RALYL: variants seen among roughly 807,000 people sequenced by gnomAD.
The protein encoded by RALYL is RNA-binding Raly-like protein.
RALYL carries 29 observed loss-of-function variants against 35.1 expected under a neutral mutation model. The observed-to-expected ratio is 0.83, with a 90% CI of 0.61 to 1.13. The LOEUF is 1.13. RALYL is among the 50% of genes most tolerant of loss of function. The probability of loss-of-function intolerance (pLI) is 0.00; values close to 1 mark genes in which losing one functional copy is unlikely to be tolerated. For missense variants in RALYL, 359 were observed against 360.4 expected, an observed-to-expected ratio of 1.00 and a Z score of 0.03; for synonymous variants, 120 against 127.6, an observed-to-expected ratio of 0.94 and a Z score of 0.40.
At chr8:84,706,773 C>G (rs1402189770) in intron 2 of RALYL, among the ~76,000 whole-genome samples, 1 of 152,134 alleles carries the variant, frequency 6.6e-6, no homozygotes, top group Non-Finnish European at 1.5e-5. Flanking sequence ...TGTTATAACA[C>G]TATTTTACGG....
At chr8:84,340,945 GT>G (rs1848674496) in intron 1 of RALYL, among the ~76,000 whole-genome samples, 1 of 151,910 alleles carries the variant, frequency 6.6e-6, no homozygotes, top group Non-Finnish European at 1.5e-5. Flanking sequence ...CTGTATAATG[GT>G]TCCAGTTTTT....
intron 3 of RALYL, among the ~76,000 whole-genome samples, chr8:84,783,387 G>A (rs1470750653): frequency 6.6e-6 from 1 of 152,144 alleles, no homozygotes; most frequent in Non-Finnish European, 1.5e-5. Context: ...AAGACCGAAA[G>A]AGATCTTACC....
At chr8:84,399,541 T>G (rs1460298450) in intron 1 of RALYL, among the ~76,000 whole-genome samples, 2 of 152,246 alleles carry the variant, frequency 1.3e-5, no homozygotes, top group African/African-American at 2.4e-5. Context: ...ATAATTTATT[T>G]GTGGGCTATA....
chr8:84,851,040 A>C (rs1835753262), intron 5 of RALYL, among the ~76,000 whole-genome samples: 1 of 152,124 alleles, frequency 6.6e-6, no homozygotes, highest in South Asian at 2.1e-4. Context: ...AATTTCATTT[A>C]CATTTAATTT....
chr8:84,814,156 A>T (rs973778234), intron 4 of RALYL, among the ~76,000 whole-genome samples: 4 of 152,192 alleles, frequency 2.6e-5, no homozygotes, highest in Non-Finnish European at 4.4e-5. Context: ...ACACTTTTTG[A>T]CACATAAGAA....
chr8:84,722,842 CT>C (rs10718623), intron 2 of RALYL, among the ~76,000 whole-genome samples: 9,212 of 149,784 alleles, frequency 0.062, 642 homozygotes, highest in African/African-American at 0.17. Context: ...GGGAGAATAA[CT>C]GTGTTTGAAT....
intron 1 of RALYL, among the ~76,000 whole-genome samples, chr8:84,201,416 G>A (rs1283434120): frequency 1.3e-5 from 2 of 152,234 alleles, no homozygotes; most frequent in South Asian, 2.1e-4. Context: ...TTCAAGGTAT[G>A]TCTCTGTATG....
chr8:84,465,103 C>G (rs2051388218), intron 1 of RALYL, among the ~76,000 whole-genome samples: 1 of 124,474 alleles, frequency 8.0e-6, no homozygotes, highest in African/African-American at 3.0e-5. Context: ...CCTGTTCACT[C>G]TGATGGTAGT....
At chr8:84,573,607 T>G (rs2135830627) in intron 2 of RALYL, among the ~76,000 whole-genome samples, 1 of 151,976 alleles carries the variant, frequency 6.6e-6, no homozygotes, top group South Asian at 2.1e-4. Context: ...GAATATGGAA[T>G]TTTTTTAAGC....
At chr8:84,814,671 C>CTGAGAAAGAGCATGGAGTTGTGAAAA (rs1011047752) in intron 4 of RALYL, among the ~76,000 whole-genome samples, 1 of 152,060 alleles carries the variant, frequency 6.6e-6, no homozygotes, top group African/African-American at 2.4e-5. Flanking sequence ...TATTTCCTTA[C>CTGAGAAAGAGCATGGAGTTGTGAAAA]TGAGAAAGAG....
At chr8:84,789,986 T>C (rs1329705380) in intron 3 of RALYL, among the ~76,000 whole-genome samples, 1 of 152,212 alleles carries the variant, frequency 6.6e-6, no homozygotes, top group Non-Finnish European at 1.5e-5. Flanking sequence ...AGCAAATGTA[T>C]TATGTTTTTA....
chr8:84,450,123 G>T (rs548623329), intron 1 of RALYL, among the ~76,000 whole-genome samples: 1 of 151,560 alleles, frequency 6.6e-6, no homozygotes, highest in South Asian at 2.1e-4. Flanking sequence ...TATAGATATT[G>T]CTCCAGAAAC....
rs144626870 is a variant in RALYL at position 84,751,009 on chromosome 8, C to T, written c.257-23570C>T. On this transcript the variant is annotated intron_variant, in intron 2 of 8. Coordinates refer to ENST00000521268, the MANE Select transcript of RALYL (RefSeq NM_173848.7). Reference sequence around the variant, plus strand: ...GGATAGGAAAGAAAGTGACTATAGTCACTGTCTTTGTACATACCTGCTCTT... The same window carrying T: ...GGATAGGAAAGAAAGTGACTATAGTTACTGTCTTTGTACATACCTGCTCTT... Among the ~76,000 whole-genome samples, 394 of 152,210 alleles carry T rather than the reference C, an allele frequency of 2.6e-3. 1 individual carries two copies. The highest frequency in any genetic ancestry group is 4.6e-3 in the Non-Finnish European group (311 of 68,024).
At chr8:84,296,142 TAG>T (rs1361893341) in intron 1 of RALYL, among the ~76,000 whole-genome samples, 3 of 152,104 alleles carry the variant, frequency 2.0e-5, no homozygotes, top group African/African-American at 7.2e-5. Flanking sequence ...GTCTATGTAG[TAG>T]AAGATTTTTT....
At chr8:84,387,807 T>C (rs988974944) in intron 1 of RALYL, among the ~76,000 whole-genome samples, 17 of 150,202 alleles carry the variant, frequency 1.1e-4, no homozygotes, top group South Asian at 6.2e-4. Flanking sequence ...TTCTTTCTTT[T>C]TTTTTTTTTT....
chr8:84,878,868 G>A (rs1014013523), intron 7 of RALYL, among the ~76,000 whole-genome samples: 2 of 152,102 alleles, frequency 1.3e-5, no homozygotes, highest in African/African-American at 2.4e-5. Flanking sequence ...TTTAGTTTCA[G>A]TTTTCCTAGG....
chr8:84,363,725 G>A (rs1853593365), intron 1 of RALYL, among the ~76,000 whole-genome samples: 1 of 152,122 alleles, frequency 6.6e-6, no homozygotes, highest in South Asian at 2.1e-4. Context: ...AGGCATCCCA[G>A]GATCATGCTG....
intron 3 of RALYL, among the ~76,000 whole-genome samples, chr8:84,797,183 C>G (rs2133923142): frequency 6.6e-6 from 1 of 152,296 alleles, no homozygotes; most frequent in East Asian, 1.9e-4. Flanking sequence ...GAAACGCATG[C>G]ACAAAACAGA....
At chr8:84,714,372 T>C (rs1449444260) in intron 2 of RALYL, among the ~76,000 whole-genome samples, 1 of 151,908 alleles carries the variant, frequency 6.6e-6, no homozygotes, top group African/African-American at 2.4e-5. Flanking sequence ...ATATATCATA[T>C]GCTTGAACAT....
Sources: gnomAD v4.1 joint callset for allele counts (sites outside exome capture counted in the v4.1 genomes callset) on GRCh38, gnomAD v4.1.1 for gene constraint, MANE v1.5 for transcripts, NCBI Gene and HGNC (gene_info 2026-07-23, HGNC 2026-07-21) for gene names.